Variants in ZC3H12D observed in about 807,000 individuals in gnomAD.
The protein encoded by ZC3H12D is probable ribonuclease ZC3H12D.
ZC3H12D carries 11 observed loss-of-function variants against 24.2 expected under a neutral mutation model. The observed-to-expected ratio is 0.46, with a 90% CI of 0.29 to 0.75. The LOEUF is 0.75. ZC3H12D is among the 30% of genes least tolerant of loss of function. The pLI, the probability that ZC3H12D is intolerant of heterozygous loss-of-function variation, is 0.11. For missense variants in ZC3H12D, 740 were observed against 767.7 expected (o/e 0.96, Z 0.43); for synonymous variants, 333 against 341.8 (o/e 0.97, Z 0.28).
At chr6:149,458,127 TC>T (rs1307481322) in intron 3 of ZC3H12D, among the ~76,000 whole-genome samples, 238 of 112,040 alleles carry the variant, frequency 2.1e-3, no homozygotes, top group African/African-American at 8.0e-3. Flanking sequence ...TTTTTTCGTT[TC>T]TTTTTTTTTT....
intron 1 of ZC3H12D, among the ~76,000 whole-genome samples, chr6:149,475,411 C>G (rs1408564441): frequency 6.6e-6 from 1 of 152,218 alleles, no homozygotes; most frequent in Non-Finnish European, 1.5e-5. Flanking sequence ...CCACACTGAA[C>G]CTCTGCAATA....
At chr6:149,460,599 C>T (rs1439199101) in intron 3 of ZC3H12D, among the ~76,000 whole-genome samples, 2 of 151,946 alleles carry the variant, frequency 1.3e-5, no homozygotes, top group African/African-American at 4.8e-5. Flanking sequence ...CTTTGGGAGG[C>T]AGAGGTGGGT....
rs200879087 is a variant in ZC3H12D, at chr6:149,456,253, A to AAAAATAAAATAAAAT, written c.680+398_680+412dup. 1.4e-3 allele frequency among the ~76,000 whole-genome samples: 210 copies of AAAAATAAAATAAAAT among 150,196 alleles called. No individual in the cohort carries two copies. Among genetic ancestry groups the AAAAATAAAATAAAAT allele is most frequent in the African/African-American group, 2.0e-3 (83 of 40,692 alleles). ...GGTGACAGAGCAAGACTCCATCTCA[A>AAAAATAAAATAAAAT]AAAATAAAATAAAATAAAATAAAAT... On this transcript the variant is annotated intron_variant, in intron 4 of 5. Coordinates refer to ENST00000409806, the MANE Select transcript of ZC3H12D (RefSeq NM_207360.3). The surrounding 1 kb of genome is among the most constrained non-coding windows in gnomAD (Gnocchi z 4.3).
rs1229109825 is a variant in ZC3H12D at position 149,474,284 on chromosome 6, C to G, written c.260G>C (p.Ser87Thr). ...ALEEDFRTLASSLRPIVIDGS... is the reference protein window; with the variant it reads ...ALEEDFRTLATSLRPIVIDGS... ...ATCAATCACTATGGGTCGCAGAGAA[C>G]TGGCCAGGGTTCTGAAGTCCTCTTC... The change falls in exon 2 of 6, where the codon AGT becomes ACT. Residue 87 changes from serine (S) to threonine (T), a missense_variant. Physicochemically the swap from Ser to Thr is moderately conservative, Grantham distance 58. Coordinates refer to ENST00000409806, the MANE Select transcript of ZC3H12D (RefSeq NM_207360.3). 2.6e-6 allele frequency: 4 copies of G among 1,539,106 alleles called. No homozygotes were observed. The African/African-American group carries it at 4.1e-5, about 16-fold the overall frequency.
Position 149,450,776 on chromosome 6 carries a change from C to G in ZC3H12D, c.1491G>C (p.Val497=). 1 of 1,549,280 alleles carries G rather than the reference C, an allele frequency of 6.5e-7. No individual in the cohort carries two copies. Among genetic ancestry groups the G allele is most frequent in the Middle Eastern group, 1.7e-4 (1 of 5,932 alleles). ...CTGAGAGCTCCGGGAACGCGGCCAT[C>G]ACGCGGTCCACCTGGTCACGCGGGA... ...SVFPRDQVDR[V]MAAFPELSDL... The change falls in exon 6 of 6, where the codon GTG becomes GTC. Residue 497 remains valine, a synonymous_variant. Coordinates refer to ENST00000409806, the MANE Select transcript of ZC3H12D (RefSeq NM_207360.3).
intron 2 of ZC3H12D, among the ~76,000 whole-genome samples, chr6:149,472,412 T>A (rs1356361925): frequency 6.6e-6 from 1 of 152,100 alleles, no homozygotes; most frequent in Non-Finnish European, 1.5e-5. Flanking sequence ...AACTCAGGTG[T>A]TTTGGAGGTA....
rs1776247701 is a variant in ZC3H12D, at chr6:149,471,753, C to T, written c.305+2486G>A. On this transcript the variant is annotated intron_variant, in intron 2 of 5. Coordinates refer to ENST00000409806, the MANE Select transcript of ZC3H12D (RefSeq NM_207360.3). ...CTCTTCTCTAGAACTTCCAGAAGGA[C>T]ACTTCCAGGGGACAGAGCCACAGCC... 3.3e-5 allele frequency among the ~76,000 whole-genome samples: 5 copies of T among 152,214 alleles called. No homozygotes were observed. In the South Asian group the frequency reaches 1.0e-3, roughly 32 times the overall value.
intron 1 of ZC3H12D, among the ~76,000 whole-genome samples, 175 bp from the exon 2 acceptor site, chr6:149,474,788 C>T (rs1776305693): frequency 6.6e-6 from 1 of 152,248 alleles, no homozygotes; most frequent in Non-Finnish European, 1.5e-5. Context: ...AGCAATCACG[C>T]TGCTTTCACA....
intron 3 of ZC3H12D, among the ~76,000 whole-genome samples, chr6:149,458,111 C>CTCGTTTCT (rs1246641761): frequency 7.5e-5 from 6 of 80,252 alleles, no homozygotes; most frequent in African/African-American, 2.8e-4. Flanking sequence ...CTTTCTTTTT[C>CTCGTTTCT]TTTTTTTTTT....
rs953366475 is a variant in ZC3H12D, at chr6:149,448,482, G to A, written c.*2201C>T. ...TGCTTGAGCCTGGGAAGTCAAAGCT[G>A]CAGTGAGCCCTGATTGCACTACTGC... is the stretch of plus-strand genomic sequence containing the variant. On this transcript the variant is annotated 3_prime_UTR_variant, in exon 6 of 6. Coordinates refer to ENST00000409806, the MANE Select transcript of ZC3H12D (RefSeq NM_207360.3). 1 of 152,154 alleles carries A rather than the reference G, an allele frequency of 6.6e-6. No individual in the cohort carries two copies. Among genetic ancestry groups the A allele is most frequent in the Non-Finnish European group, 1.5e-5 (1 of 68,036 alleles). The allele number at this position is 152,154 out of a possible 1,614,324, so 9.4% of individuals were successfully genotyped here.
intron 2 of ZC3H12D, among the ~76,000 whole-genome samples, chr6:149,466,195 C>T (rs976282323): frequency 6.6e-6 from 1 of 152,012 alleles, no homozygotes; most frequent in Non-Finnish European, 1.5e-5. Context: ...CAGGCCAGCC[C>T]AGCCACTGTG....
In ZC3H12D at chr6:149,478,249, C is replaced by T. The variant is rs375581003; in HGVS notation, c.-70-3636G>A. On this transcript the variant is annotated intron_variant, in intron 1 of 5. Coordinates refer to ENST00000409806, the MANE Select transcript of ZC3H12D (RefSeq NM_207360.3). ...TTACTCTTATCCTCTCCTGAGTGTA[C>T]GACAGAATATTCTAGAGTCTACATG... Among the ~76,000 whole-genome samples, 15 of 151,722 alleles carry T rather than the reference C, an allele frequency of 9.9e-5. No homozygotes were observed. The East Asian group carries it at 1.2e-3, about 12-fold the overall frequency.
rs936048584 is a variant in ZC3H12D, at chr6:149,447,002, A to G, written c.*3681T>C. ...GAGCTCTGCTGCATGTTTGAACAAG[A>G]AGAGCAGCTTCTATGAGATGGCTTC... On this transcript the variant is annotated 3_prime_UTR_variant, in exon 6 of 6. Coordinates refer to ENST00000409806, the MANE Select transcript of ZC3H12D (RefSeq NM_207360.3). The G allele has an allele frequency of 6.6e-6, 1 of 152,214 alleles. No homozygotes were observed. The highest frequency in any genetic ancestry group is 1.5e-5 in the Non-Finnish European group (1 of 68,034). 9.4% of individuals were successfully genotyped at this position (152,214 alleles called of 1,614,324 possible). A position where few individuals can be genotyped will look rare whatever the true frequency, so the allele number is the denominator to read the frequency against.
At chr6:149,459,162 G>A (rs1480121230) in intron 3 of ZC3H12D, among the ~76,000 whole-genome samples, 1 of 151,714 alleles carries the variant, frequency 6.6e-6, no homozygotes, top group Non-Finnish European at 1.5e-5. Flanking sequence ...TGCACTTGTT[G>A]TGGCTTATTT....
chr6:149,473,043 C>T (rs79390921), intron 2 of ZC3H12D, among the ~76,000 whole-genome samples: 1,741 of 152,188 alleles, frequency 0.011, 39 homozygotes, highest in African/African-American at 0.04. Context: ...GACAGAGACC[C>T]CATGGGCCAG....
At chr6:149,483,018 C>G (rs753309325) in intron 1 of ZC3H12D, 1 of 153,400 alleles carries the variant, frequency 6.5e-6, no homozygotes, top group Admixed American at 6.5e-5. Context: ...CTTAACACCT[C>G]GCCCCTGCCC....
At chr6:149,482,886 C>T (rs558958588) in intron 1 of ZC3H12D, among the ~76,000 whole-genome samples, 3 of 152,316 alleles carry the variant, frequency 2.0e-5, no homozygotes, top group African/African-American at 7.2e-5. Context: ...GGAGACCAGA[C>T]TCCCAAAGGT....
intron 2 of ZC3H12D, among the ~76,000 whole-genome samples, chr6:149,473,478 T>A (rs569098450): frequency 6.6e-6 from 1 of 152,318 alleles, no homozygotes; most frequent in South Asian, 2.1e-4. Context: ...ACGCCCCACT[T>A]CGCCCAGCAG....
chr6:149,456,559 C>G lies in ZC3H12D; in HGVS notation c.680+107G>C. Reference sequence around the variant, plus strand: ...GAGCTCTGTCTGAGGGGCTGGGTGACCGGGTGACCCCAAGCTCCTCCACCT... The same window carrying G: ...GAGCTCTGTCTGAGGGGCTGGGTGAGCGGGTGACCCCAAGCTCCTCCACCT... On this transcript the variant is annotated intron_variant, in intron 4 of 5. Coordinates refer to ENST00000409806, the MANE Select transcript of ZC3H12D (RefSeq NM_207360.3). This position sits in a 1 kb window ranked among gnomAD's most constrained non-coding sequence, Gnocchi z 4.3. 2.1e-6 allele frequency: 2 copies of G among 961,850 alleles called. No individual in the cohort carries two copies. The highest frequency in any genetic ancestry group is 3.1e-5 in the South Asian group (2 of 63,548). 59.6% of individuals were successfully genotyped at this position (961,850 alleles called of 1,614,324 possible). A position where few individuals can be genotyped will look rare whatever the true frequency, so the allele number is the denominator to read the frequency against.
Sources: gnomAD v4.1 joint callset for allele counts (sites outside exome capture counted in the v4.1 genomes callset) on GRCh38, gnomAD v4.1.1 for gene constraint, Gnocchi (gnomAD v3.1) non-coding constraint, MANE v1.5 for transcripts, NCBI Gene and HGNC (gene_info 2026-07-23, HGNC 2026-07-21) for gene names.